Variants in TET3 observed in about 807,000 individuals in gnomAD.
TET3 encodes the protein methylcytosine dioxygenase TET3.
TET3 carries 19 observed loss-of-function variants against 141.4 expected under a neutral mutation model. The observed-to-expected ratio is 0.13, with a 90% CI of 0.09 to 0.20. The LOEUF (loss-of-function observed/expected upper bound fraction) is 0.20, where lower values mean the gene tolerates loss of function less well. TET3 is among the 10% of genes least tolerant of loss of function. The pLI is 1.00. For missense variants in TET3, 1,874 were observed against 2,356.9 expected (o/e 0.80, Z 4.24); for synonymous variants, 1,043 against 980.9 (o/e 1.06, Z -1.18).
chr2:74,050,197 C>G (rs1346964365), intron 4 of TET3, among the ~76,000 whole-genome samples: 1 of 152,190 alleles, frequency 6.6e-6, no homozygotes, highest in Non-Finnish European at 1.5e-5. Flanking sequence ...AAATTTGCAT[C>G]CCAACTCCAT....
chr2:74,100,183 C>G (rs1482053195), intron 11 of TET3, among the ~76,000 whole-genome samples: 2 of 152,128 alleles, frequency 1.3e-5, no homozygotes, highest in African/African-American at 2.4e-5. Context: ...CTCCCACCCC[C>G]AGTGGGGCTG....
intron 2 of TET3, among the ~76,000 whole-genome samples, chr2:73,986,992 C>T (rs1684060175): frequency 6.6e-6 from 1 of 152,174 alleles, no homozygotes; most frequent in South Asian, 2.1e-4. Flanking sequence ...AGTTTCTTGT[C>T]CTGCTGCTTG....
At position 74,103,357 on chromosome 2, in the gene TET3, AAC is replaced by A. The variant is rs1172813308; in HGVS notation, c.*1183_*1184del. The A allele has an allele frequency of 6.6e-6, 1 of 152,034 alleles. No homozygotes were observed. Among genetic ancestry groups the A allele is most frequent in the African/African-American group, 2.4e-5 (1 of 41,414 alleles). The allele number at this position is 152,034 out of a possible 1,614,324, so 9.4% of individuals were successfully genotyped here. A position where few individuals can be genotyped will look rare whatever the true frequency, so the allele number is the denominator to read the frequency against. Reference sequence around the variant, plus strand: ...CAGGAGCTCAGCAGACCAGTGTAACAACAGTTAATGCATCTATCCTGATCCCT... The same window carrying A: ...CAGGAGCTCAGCAGACCAGTGTAACAAGTTAATGCATCTATCCTGATCCCT... On this transcript the variant is annotated 3_prime_UTR_variant, in exon 12 of 12. Coordinates refer to ENST00000409262, the MANE Select transcript of TET3 (RefSeq NM_001287491.2).
chr2:74,101,921 C>A lies in TET3; in HGVS notation c.5133C>A (p.Ala1711=), dbSNP rs780554077. ...ACCACGGGCTGGCCCTCTGGGAAGC[C>A]AAGATGAAGCAGCTGGCGGAGAGGG... is the stretch of plus-strand genomic sequence containing the variant. The part of the protein sequence containing the change: ...QPNHGLALWE[A]KMKQLAERAR... Residue 1711 remains alanine (A), a synonymous_variant, in exon 12 of 12, where the codon GCC becomes GCA. Coordinates refer to ENST00000409262, the MANE Select transcript of TET3 (RefSeq NM_001287491.2). The surrounding 1 kb of genome is among the most constrained non-coding windows in gnomAD (Gnocchi z 8.5). 1.2e-6 allele frequency: 2 copies of A among 1,613,380 alleles called. No individual in the cohort carries two copies. The highest frequency in any genetic ancestry group is 2.2e-5 in the South Asian group (2 of 91,078).
intron 2 of TET3, among the ~76,000 whole-genome samples, chr2:73,999,629 CCTG>C (rs35118960): frequency 0.11 from 17,100 of 152,138 alleles, 1,048 homozygotes; most frequent in African/African-American, 0.13. Context: ...CTCCATTCCT[CCTG>C]CTGGGAGCAC....
intron 4 of TET3, among the ~76,000 whole-genome samples, chr2:74,062,042 C>T (rs1688623733): frequency 6.6e-6 from 1 of 152,214 alleles, no homozygotes; most frequent in Admixed American, 6.5e-5. Context: ...AGGCTGCAGT[C>T]TCGGCACTTT....
intron 3 of TET3, among the ~76,000 whole-genome samples, chr2:74,037,641 A>G (rs2105320864): frequency 6.6e-6 from 1 of 152,334 alleles, no homozygotes; most frequent in Non-Finnish European, 1.5e-5. Context: ...ACTACAGGCT[A>G]GTTCATTCTG....
Position 74,099,415 on chromosome 2 carries a change from G to A in TET3, c.3407G>A (p.Ser1136Asn). The change falls in exon 11 of 12, where the codon AGC becomes AAC. Residue 1136 changes from serine to asparagine, a missense_variant. Physicochemically the swap from Ser to Asn is conservative, Grantham distance 46. Around this residue, in one of 10 missense-constraint regions of TET3, gnomAD observed 53 missense variants for 112.8 expected, o/e 0.47. Coordinates refer to ENST00000409262, the MANE Select transcript of TET3 (RefSeq NM_001287491.2). ...SEENQNAKVG[S>N]GAIQVLTAFP... ...GAGAACCAGAATGCAAAGGTGGGCA[G>A]CGGAGCCATCCAGGTGCTCACCGCC... 1 of 1,614,028 alleles carries A rather than the reference G, an allele frequency of 6.2e-7. No individual in the cohort carries two copies. The highest frequency in any genetic ancestry group is 2.2e-5 in the East Asian group (1 of 44,886).
chr2:74,046,476 G>A lies in TET3; in HGVS notation c.559G>A (p.Gly187Ser). 6.2e-7 allele frequency: 1 copy of A among 1,613,342 alleles called. No individual in the cohort carries two copies. The highest frequency in any genetic ancestry group is 1.1e-5 in the South Asian group (1 of 91,036). The change falls in exon 4 of 12, where the codon GGC becomes AGC. Residue 187 changes from glycine (G) to serine (S), a missense_variant. By Grantham distance (56) the Gly-to-Ser change is moderately conservative. This residue lies in a region of TET3 where 366 missense variants were observed against 487.0 expected (regional missense o/e 0.75). Transcript: ENST00000409262. This position sits in a 1 kb window ranked among gnomAD's most constrained non-coding sequence, Gnocchi z 4.3. ...AAAGCCCGACTGGGAGGCTGCCCCA[G>A]GCCCAGCTCATACTGCTCGCCTGGA... ...DQKPDWEAAP[G>S]PAHTARLEDA...
intron 2 of TET3, among the ~76,000 whole-genome samples, chr2:73,992,815 A>C (rs896628151): frequency 2.0e-5 from 3 of 152,356 alleles, no homozygotes; most frequent in South Asian, 2.1e-4. Flanking sequence ...GTTCTAGAAC[A>C]GATTGTTTAA....
At chr2:74,122,007 A>T in the TET3 span, 1 of 152,272 alleles carries the variant, frequency 6.6e-6, no homozygotes, top group African/African-American at 2.4e-5. Flanking sequence ...CAAAGAAAAA[A>T]GTCTGTAGTG....
rs776625317 is a variant in TET3 at position 74,099,619 on chromosome 2, G to A, written c.3604+7G>A. On this transcript the variant is annotated splice_region_variant and intron_variant, in intron 11 of 11. Coordinates refer to ENST00000409262, the MANE Select transcript of TET3 (RefSeq NM_001287491.2). ...GGCATTACGTCGGACCCAGGTGTGTGGGGGGAGGGTGCCCGCTTGGAGTCA... is the reference window on the plus strand; with the variant it reads ...GGCATTACGTCGGACCCAGGTGTGTAGGGGGAGGGTGCCCGCTTGGAGTCA... The A allele has an allele frequency of 5.2e-6, 8 of 1,550,792 alleles. No homozygotes were observed. In the Admixed American group the frequency reaches 5.8e-5, roughly 11 times the overall value.
chr2:74,025,209 G>A (rs1380559197), intron 3 of TET3, among the ~76,000 whole-genome samples: 6 of 139,084 alleles, frequency 4.3e-5, no homozygotes, highest in African/African-American at 5.4e-5. Context: ...GGGTGACAAA[G>A]CGAGACTCCG....
chr2:74,083,019 C>A (rs1057061048), intron 6 of TET3, among the ~76,000 whole-genome samples: 4 of 152,198 alleles, frequency 2.6e-5, no homozygotes, highest in Non-Finnish European at 5.9e-5. Flanking sequence ...CTCTCCCTAG[C>A]CCCCAGCCAT....
chr2:74,047,922 C>T lies in TET3; in HGVS notation c.2005C>T (p.Pro669Ser). 1.2e-6 allele frequency: 2 copies of T among 1,613,684 alleles called. No homozygotes were observed. Among genetic ancestry groups the T allele is most frequent in the Non-Finnish European group, 1.7e-6 (2 of 1,179,796 alleles). Residue 669 changes from proline to serine, a missense_variant, in exon 4 of 12, where the codon CCT (proline) becomes TCT (serine). Physicochemically the swap from Pro to Ser is moderately conservative, Grantham distance 74 (BLOSUM62 -1). Transcript: ENST00000409262. The stretch of plus-strand genomic sequence containing the variant: ...AGAACCTTCTCTTGCGCTATTTGCA[C>T]CTAGTCCCTCCAGGGACAGCCTGCT... ...PPEPSLALFA[P>S]SPSRDSLLPP...
At chr2:74,025,658 T>C (rs79836714) in intron 3 of TET3, among the ~76,000 whole-genome samples, 22,222 of 152,148 alleles carry the variant, frequency 0.15, 2,242 homozygotes, top group East Asian at 0.52. Context: ...TTATACCAGC[T>C]AACCTAGGCT....
chr2:74,082,061 A>C (rs1689864547), intron 6 of TET3, among the ~76,000 whole-genome samples: 1 of 151,584 alleles, frequency 6.6e-6, no homozygotes, highest in Non-Finnish European at 1.5e-5. Context: ...TTCTCCTGCT[A>C]ATTCATGCAG....
chr2:74,034,974 G>A (rs1224125031), intron 3 of TET3, among the ~76,000 whole-genome samples: 2 of 150,602 alleles, frequency 1.3e-5, no homozygotes, highest in Non-Finnish European at 2.9e-5. Flanking sequence ...AGCAGATCAC[G>A]AGGTCAGTAG....
intron 4 of TET3, among the ~76,000 whole-genome samples, chr2:74,070,536 C>T (rs1689149215): frequency 6.6e-6 from 1 of 152,216 alleles, no homozygotes; most frequent in Admixed American, 6.5e-5. Context: ...TGCTTTCACT[C>T]ACTATGCTGT....
Sources: allele counts gnomAD v4.1 joint callset (sites outside exome capture counted in the v4.1 genomes callset), GRCh38; gene constraint gnomAD v4.1.1; regional missense constraint gnomAD v4.1.1; non-coding constraint Gnocchi (gnomAD v3.1); transcripts MANE v1.5; gene names NCBI Gene and HGNC (gene_info 2026-07-23, HGNC 2026-07-21).